Variants in RALGAPA2 observed in about 807,000 individuals in gnomAD.
RALGAPA2 encodes the protein Ral GTPase activating protein catalytic subunit alpha 2.
Under a neutral mutation model 230.4 loss-of-function variants are expected in RALGAPA2, and 139 were observed. The observed-to-expected ratio is 0.60, with a 90% CI of 0.53 to 0.69. The LOEUF (loss-of-function observed/expected upper bound fraction) is 0.69, where lower values mean the gene tolerates loss of function less well. RALGAPA2 is among the 30% of genes least tolerant of loss of function. The pLI, the probability that RALGAPA2 is intolerant of heterozygous loss-of-function variation, is 0.00. For synonymous variants in RALGAPA2, 847 were observed against 837.8 expected, an observed-to-expected ratio of 1.01 and a Z score of -0.19; for missense variants, 2,163 against 2,276.0, an observed-to-expected ratio of 0.95 and a Z score of 1.01.
chr20:20,584,458 G>A (rs1431604592), intron 19 of RALGAPA2, among the ~76,000 whole-genome samples: 1 of 152,090 alleles, frequency 6.6e-6, no homozygotes, highest in Non-Finnish European at 1.5e-5. Context: ...TGAACCTTTT[G>A]TCAATCCTAG....
chr20:20,503,293 G>C (rs911361215), intron 35 of RALGAPA2, 58 bp downstream of exon 35: 4 of 1,397,530 alleles, frequency 2.9e-6, no homozygotes, highest in African/African-American at 2.9e-5. Flanking sequence ...GTCTGTCCTA[G>C]GAGAGCCTCA....
chr20:20,401,545 G>A (rs2059838775), intron 38 of RALGAPA2, among the ~76,000 whole-genome samples: 1 of 152,040 alleles, frequency 6.6e-6, no homozygotes, highest in Non-Finnish European at 1.5e-5. Context: ...GACCGGGGCA[G>A]TGAGGTGGGA....
intron 38 of RALGAPA2, among the ~76,000 whole-genome samples, chr20:20,406,767 C>T (rs1437430252): frequency 6.6e-6 from 1 of 152,128 alleles, no homozygotes; most frequent in African/African-American, 2.4e-5. Flanking sequence ...CAGAAATTAG[C>T]TGCATGTGGT....
chr20:20,478,651 C>T (rs1333748439), intron 36 of RALGAPA2, among the ~76,000 whole-genome samples: 1 of 151,550 alleles, frequency 6.6e-6, no homozygotes, highest in African/African-American at 2.4e-5. Context: ...ATAAAGATAA[C>T]AACAAAAATT....
intron 31 of RALGAPA2, among the ~76,000 whole-genome samples, chr20:20,514,174 TC>T (rs2062804384): frequency 6.6e-6 from 1 of 151,538 alleles, no homozygotes; most frequent in Non-Finnish European, 1.5e-5. Context: ...CTCCAGGCAT[TC>T]AGAACACCTG....
chr20:20,653,349 G>C (rs1470006384), intron 4 of RALGAPA2, among the ~76,000 whole-genome samples, 181 bp downstream of exon 4: 2 of 152,042 alleles, frequency 1.3e-5, no homozygotes, highest in African/African-American at 4.8e-5. Flanking sequence ...CAGAGGAAGA[G>C]AGAGACATAT....
At chr20:20,517,873 T>C (rs1486535044) in intron 31 of RALGAPA2, among the ~76,000 whole-genome samples, 3 of 148,096 alleles carry the variant, frequency 2.0e-5, no homozygotes, top group Non-Finnish European at 3.0e-5. Context: ...AGAAACAGTC[T>C]ACACAAATGA....
chr20:20,542,841 T>C (rs1187417027), intron 24 of RALGAPA2, among the ~76,000 whole-genome samples: 2 of 152,126 alleles, frequency 1.3e-5, no homozygotes, highest in African/African-American at 2.4e-5. Flanking sequence ...ATTCAGGACA[T>C]AGGCATGGGC....
At chr20:20,576,143 T>C (rs1011013330) in intron 20 of RALGAPA2, among the ~76,000 whole-genome samples, 3 of 152,162 alleles carry the variant, frequency 2.0e-5, no homozygotes, top group South Asian at 2.1e-4. Context: ...TTATAAAAAA[T>C]TGTGACAATA....
intron 35 of RALGAPA2, among the ~76,000 whole-genome samples, chr20:20,499,979 T>C (rs2062325235): frequency 6.6e-6 from 1 of 152,218 alleles, no homozygotes; most frequent in Non-Finnish European, 1.5e-5. Context: ...GGGAAAGCAG[T>C]GTGCATAAAA....
In RALGAPA2 at chr20:20,503,447, C is replaced by T. The variant is rs1255482598; in HGVS notation, c.5112G>A (p.Gly1704=). ...MGGLQRNGST[G]QTAPYYATST... ...AGGTAGCATAGTAAGGGGCCGTCTG[C>T]CCGGTGCTGCCATTGCGCTGAAGGC... is the stretch of plus-strand genomic sequence containing the variant. Residue 1704 remains glycine, a synonymous_variant, in exon 35 of 40, where the codon GGG becomes GGA. Transcript: ENST00000202677. The T allele has an allele frequency of 5.6e-6, 9 of 1,607,908 alleles. No homozygotes were observed. Among genetic ancestry groups the T allele is most frequent in the Non-Finnish European group, 7.6e-6 (9 of 1,177,320 alleles).
At chr20:20,427,303 G>T (rs1282666268) in intron 37 of RALGAPA2, among the ~76,000 whole-genome samples, 1 of 152,176 alleles carries the variant, frequency 6.6e-6, no homozygotes, top group African/African-American at 2.4e-5. Flanking sequence ...TGCATTTCAA[G>T]TATTTTTGGC....
At chr20:20,531,058 G>C (rs2063354549) in intron 27 of RALGAPA2, among the ~76,000 whole-genome samples, 1 of 152,218 alleles carries the variant, frequency 6.6e-6, no homozygotes, top group Non-Finnish European at 1.5e-5. Context: ...TGCTTTTATT[G>C]CTGGTTCCAT....
rs773700364 is a variant in RALGAPA2, at chr20:20,591,298, T to C, written c.2220A>G (p.Gln740=). ...CGGCTGCAGGTGCATTTTCTGACTG[T>C]TGACACTCCTCCACTTCTGTGAGCA... is the stretch of plus-strand genomic sequence containing the variant. ...RQKATEVEEC[Q]QSENAPAAGS... is the part of the protein sequence containing the mutation. Residue 740 remains glutamine, a synonymous_variant, in exon 17 of 40, where the codon CAA becomes CAG. Coordinates refer to ENST00000202677, the MANE Select transcript of RALGAPA2 (RefSeq NM_020343.4). The C allele has an allele frequency of 7.4e-6, 12 of 1,613,864 alleles. No homozygotes were observed. The highest frequency in any genetic ancestry group is 1.0e-5 in the Non-Finnish European group (12 of 1,179,798).
chr20:20,398,478 G>A lies in RALGAPA2; in HGVS notation c.5618-1744C>T, dbSNP rs548344733. 1.3e-5 allele frequency among the ~76,000 whole-genome samples: 2 copies of A among 152,282 alleles called. No individual in the cohort carries two copies. The highest frequency in any genetic ancestry group is 4.8e-5 in the African/African-American group (2 of 41,556). On this transcript the variant is annotated intron_variant, in intron 38 of 39. Coordinates refer to ENST00000202677, the MANE Select transcript of RALGAPA2 (RefSeq NM_020343.4). The surrounding 1 kb of genome is among the most constrained non-coding windows in gnomAD (Gnocchi z 4.5). The stretch of plus-strand genomic sequence containing the variant: ...AGATGCAAAGACAGAGACAGTTGGG[G>A]GCTGCCTTGATTATTCCATGGGGCT...
At chr20:20,569,276 A>G (rs372040376) in intron 23 of RALGAPA2, among the ~76,000 whole-genome samples, 13 of 152,340 alleles carry the variant, frequency 8.5e-5, no homozygotes, top group African/African-American at 2.9e-4. Flanking sequence ...GTTTACTTAG[A>G]GTAATTCTGT....
chr20:20,477,761 T>C (rs966187961), intron 36 of RALGAPA2, among the ~76,000 whole-genome samples: 6 of 152,292 alleles, frequency 3.9e-5, no homozygotes, highest in African/African-American at 1.4e-4. Context: ...AATTTTTTTG[T>C]ACTTTTAGTA....
In RALGAPA2 at chr20:20,512,628, C is replaced by A; in HGVS notation, c.4741G>T (p.Asp1581Tyr). 1 of 1,613,914 alleles carries A rather than the reference C, an allele frequency of 6.2e-7. No individual in the cohort carries two copies. The part of the protein sequence containing the change: ...EDEYIQSHNF[D>Y]SAMKVTSQGQ... ...TGGCTGGTGACTTTCATTGCAGAATCGAAGTTATGACTCTGGATATACTCA... is the reference window on the plus strand; with the variant it reads ...TGGCTGGTGACTTTCATTGCAGAATAGAAGTTATGACTCTGGATATACTCA... The change falls in exon 32 of 40, where the codon GAT becomes TAT. Residue 1581 changes from aspartate (D) to tyrosine (Y), a missense_variant. Coordinates refer to ENST00000202677, the MANE Select transcript of RALGAPA2 (RefSeq NM_020343.4).
At chr20:20,659,066 G>A (rs190646603) in intron 3 of RALGAPA2, among the ~76,000 whole-genome samples, 1 of 152,290 alleles carries the variant, frequency 6.6e-6, no homozygotes, top group African/African-American at 2.4e-5. Flanking sequence ...AATGCTGACC[G>A]AGAAGAAAAC....
Sources: allele counts gnomAD v4.1 joint callset (sites outside exome capture counted in the v4.1 genomes callset), GRCh38; gene constraint gnomAD v4.1.1; non-coding constraint Gnocchi (gnomAD v3.1); transcripts MANE v1.5; gene names NCBI Gene and HGNC (gene_info 2026-07-23, HGNC 2026-07-21).